SLC4A8: variants seen among roughly 807,000 people sequenced by gnomAD.
SLC4A8 encodes the protein solute carrier family 4 member 8, also known as electroneutral sodium bicarbonate exchanger 1.
Under a neutral mutation model 125.0 loss-of-function variants are expected in SLC4A8, and 40 were observed. The observed-to-expected ratio is 0.32, with a 90% CI of 0.25 to 0.42. SLC4A8 has a LOEUF of 0.42. Ranked by LOEUF, SLC4A8 falls within the 10% of genes least tolerant of loss-of-function variation. The probability of loss-of-function intolerance (pLI) is 1.00; values close to 1 mark genes in which losing one functional copy is unlikely to be tolerated. For synonymous variants in SLC4A8, 456 were observed against 476.0 expected (o/e 0.96, Z 0.55); for missense variants, 863 against 1,355.1 (o/e 0.64, Z 5.70).
rs1948421459 is a variant in SLC4A8 at position 51,402,994 on chromosome 12, C to T, written c.-112+11506C>T. 3.3e-5 allele frequency: 11 copies of T among 333,900 alleles called. 1 individual carries two copies. The highest frequency in any genetic ancestry group is 2.6e-4 in the South Asian group (11 of 41,908). The allele number at this position is 333,900 out of a possible 1,614,324, so 20.7% of individuals were successfully genotyped here. A position where few individuals can be genotyped will look rare whatever the true frequency, so the allele number is the denominator to read the frequency against. ...GTGAAAGGAGAGACTCTGAGAATGA[C>T]TGCATGAAGTCCCCCAGTTAGCTGG... is the stretch of plus-strand genomic sequence containing the variant. On this transcript the variant is annotated intron_variant, in intron 1 of 24. Transcript: ENST00000358657.
At chr12:51,406,842 G>T (rs1347171898) in intron 1 of SLC4A8, among the ~76,000 whole-genome samples, 1 of 152,188 alleles carries the variant, frequency 6.6e-6, no homozygotes, top group East Asian at 1.9e-4. Context: ...TTGCAGCAGG[G>T]GACTGCAGCT....
chr12:51,447,130 G>A (rs1395767), intron 2 of SLC4A8, among the ~76,000 whole-genome samples: 140,958 of 152,170 alleles, frequency 0.93, 65,342 homozygotes, highest in Non-Finnish European at 0.95. Flanking sequence ...GCTGGAGTGC[G>A]GTGGTAATGA....
intron 12 of SLC4A8, 42 bp from the exon 13 acceptor site, chr12:51,470,350 C>G: frequency 6.2e-7 from 1 of 1,601,200 alleles, no homozygotes; most frequent in Middle Eastern, 1.7e-4. Context: ...TTACTCTGTA[C>G]TGATGGGCTA....
chr12:51,447,764 T>C (rs902703255), intron 2 of SLC4A8, among the ~76,000 whole-genome samples: 4 of 149,430 alleles, frequency 2.7e-5, no homozygotes, highest in African/African-American at 9.9e-5. Context: ...TCACCCAGGC[T>C]GGAGTGCAGT....
At chr12:51,474,721 C>T in intron 15 of SLC4A8, 1 of 561,022 alleles carries the variant, frequency 1.8e-6, no homozygotes, top group South Asian at 3.0e-5. Flanking sequence ...GGACAGGGGG[C>T]AGATCCAGAC....
chr12:51,489,765 G>T lies in SLC4A8; in HGVS notation c.2514G>T (p.Met838Ile). 1 of 1,614,158 alleles carries T rather than the reference G, an allele frequency of 6.2e-7. No individual in the cohort carries two copies. The highest frequency in any genetic ancestry group is 8.5e-7 in the Non-Finnish European group (1 of 1,180,032). Residue 838 changes from methionine (M) to isoleucine (I), a missense_variant, in exon 19 of 25, where the codon ATG (methionine) becomes ATT (isoleucine). This residue lies in a region of SLC4A8 where 197 missense variants were observed against 377.7 expected (regional missense o/e 0.52). Coordinates refer to ENST00000453097, the MANE Select transcript of SLC4A8 (RefSeq NM_001039960.3). ...VAIMLGVCSI[M>I]GLPWFVAATV... is the part of the protein sequence containing the mutation. ...TCATGCTGGGTGTCTGCTCCATCAT[G>T]GGCCTGCCCTGGTTTGTAGCTGCAA...
At chr12:51,474,899 C>T (rs1042096492) in intron 15 of SLC4A8, 146 bp from the exon 16 acceptor site, 26 of 719,090 alleles carry the variant, frequency 3.6e-5, no homozygotes, top group African/African-American at 1.8e-4. Flanking sequence ...GACAGCACCC[C>T]GCAACTGCAT....
rs536652840 is a variant in SLC4A8 at position 51,400,348 on chromosome 12, A to G, written c.-112+8860A>G. On this transcript the variant is annotated intron_variant, in intron 1 of 24. Coordinates refer to the SLC4A8 transcript ENST00000358657. The stretch of plus-strand genomic sequence containing the variant: ...ACTCTTTGAAGAGCTACTATCATCG[A>G]AGACCTTTAAATCCCCCACTGTGGT... Among the ~76,000 whole-genome samples the G allele has an allele frequency of 7.9e-5, 12 of 152,318 alleles. No homozygotes were observed. In the East Asian group the frequency reaches 2.1e-3, roughly 27 times the overall value.
chr12:51,496,219 G>T (rs1248084788), intron 21 of SLC4A8, among the ~76,000 whole-genome samples: 1 of 152,210 alleles, frequency 6.6e-6, no homozygotes, highest in African/African-American at 2.4e-5. Flanking sequence ...CTAAATTAGA[G>T]AGAAATGTAC....
chr12:51,462,892 C>CA lies in SLC4A8; in HGVS notation c.1248+453dup, dbSNP rs34546728. 636 of 103,790 alleles carry CA rather than the reference C, an allele frequency of 6.1e-3. 18 individuals carry two copies. The highest frequency in any genetic ancestry group is 0.014 in the East Asian group (50 of 3,612). The allele number at this position is 103,790 out of a possible 1,614,324, so 6.4% of individuals were successfully genotyped here. A position where few individuals can be genotyped will look rare whatever the true frequency, so the allele number is the denominator to read the frequency against. On this transcript the variant is annotated intron_variant, in intron 10 of 24. Coordinates refer to ENST00000453097, the MANE Select transcript of SLC4A8 (RefSeq NM_001039960.3). ...TGGGTGACAGAGCGAGACTCCACCT[C>CA]AAAAAAAAAAAAAAAAAGAATTTGC...
chr12:51,471,189 A>AGT, intron 13 of SLC4A8, 98 bp from the exon 14 acceptor site: 1 of 1,136,120 alleles, frequency 8.8e-7, no homozygotes, highest in Non-Finnish European at 1.3e-6. Context: ...ACTGGGTTCC[A>AGT]GTGCTTGTTT....
intron 1 of SLC4A8, 104 bp downstream of exon 1, chr12:51,425,139 C>A (rs1948924077): frequency 1.1e-5 from 16 of 1,467,884 alleles, no homozygotes; most frequent in Non-Finnish European, 1.4e-5. Flanking sequence ...CTTCCCAGGC[C>A]GCTCCCTGAG....
At chr12:51,392,651 G>T (rs1948161471) in intron 1 of SLC4A8, 1 of 152,018 alleles carries the variant, frequency 6.6e-6, no homozygotes, top group Non-Finnish European at 1.5e-5. Context: ...CGAAACTCGG[G>T]TTGGGCCCGG....
chr12:51,419,585 T>C (rs1948745263), intron 1 of SLC4A8, among the ~76,000 whole-genome samples: 1 of 152,240 alleles, frequency 6.6e-6, no homozygotes, highest in Admixed American at 6.5e-5. Context: ...GCTTCCCATC[T>C]GAATCTGGAA....
chr12:51,487,725 C>T (rs139716374), intron 17 of SLC4A8, among the ~76,000 whole-genome samples: 137 of 152,304 alleles, frequency 9.0e-4, no homozygotes, highest in South Asian at 1.7e-3. Context: ...GATCCTAGGT[C>T]AAACAAACCC....
At chr12:51,442,648 T>G (rs1273678475) in intron 2 of SLC4A8, among the ~76,000 whole-genome samples, 1 of 152,178 alleles carries the variant, frequency 6.6e-6, no homozygotes, top group Non-Finnish European at 1.5e-5. Context: ...TACGTAGACT[T>G]TTTTGAAAAC....
chr12:51,452,189 G>A lies in SLC4A8; in HGVS notation c.343G>A (p.Glu115Lys), dbSNP rs1293555738. The A allele has an allele frequency of 6.2e-7, 1 of 1,614,088 alleles. No homozygotes were observed. The highest frequency in any genetic ancestry group is 2.2e-5 in the East Asian group (1 of 44,892). Residue 115 changes from glutamate to lysine, a missense_variant, in exon 4 of 25, where the codon GAG becomes AAG. Glu to Lys is a moderately conservative substitution (Grantham distance 56, BLOSUM62 1). Around this residue, in one of 6 missense-constraint regions of SLC4A8, gnomAD observed 390 missense variants for 634.4 expected, o/e 0.61. Transcript: ENST00000453097. The stretch of plus-strand genomic sequence containing the variant: ...GGAAGATGAAGAGCATGTGCCTCAT[G>A]AGCTGTTTACAGAGCTGGATGAGAT... ...TEEDEEHVPH[E>K]LFTELDEICM... is the part of the protein sequence containing the mutation.
chr12:51,457,433 G>A lies in SLC4A8; in HGVS notation c.657G>A (p.Lys219=). The part of the protein sequence containing the change: ...RVKVREALLK[K]HHHQNEKKRN... ...AAGTGCGGGAAGCCCTTCTCAAAAAGCATCATCATCAGAATGAAAAGAAGA... is the reference window on the plus strand; with the variant it reads ...AAGTGCGGGAAGCCCTTCTCAAAAAACATCATCATCAGAATGAAAAGAAGA... Residue 219 remains lysine, a synonymous_variant, in exon 6 of 25, where the codon AAG becomes AAA. Coordinates refer to ENST00000453097, the MANE Select transcript of SLC4A8 (RefSeq NM_001039960.3). 6.2e-7 allele frequency: 1 copy of A among 1,614,082 alleles called. No individual in the cohort carries two copies. The highest frequency in any genetic ancestry group is 1.3e-5 in the African/African-American group (1 of 75,034).
At position 51,424,858 on chromosome 12, in the gene SLC4A8, C is replaced by T; in HGVS notation, c.-130C>T. ...GGGCCGGTGGCTATGGAGGCGGCGG[C>T]GGTTGATGGTTGACCGTTGGCTCCG... On this transcript the variant is annotated 5_prime_UTR_variant, in exon 1 of 25. Coordinates refer to ENST00000453097, the MANE Select transcript of SLC4A8 (RefSeq NM_001039960.3). 1 of 972,358 alleles carries T rather than the reference C, an allele frequency of 1.0e-6. No homozygotes were observed. Among genetic ancestry groups the T allele is most frequent in the Non-Finnish European group, 1.5e-6 (1 of 655,142 alleles). 60.2% of individuals were successfully genotyped at this position (972,358 alleles called of 1,614,324 possible).
Sources: gnomAD v4.1 joint callset for allele counts (sites outside exome capture counted in the v4.1 genomes callset) on GRCh38, gnomAD v4.1.1 for gene constraint, gnomAD v4.1.1 regional missense constraint, MANE v1.5 for transcripts, NCBI Gene and HGNC (gene_info 2026-07-23, HGNC 2026-07-21) for gene names.